Variants in KNL1 observed in about 807,000 individuals in gnomAD.
KNL1 encodes the protein kinetochore scaffold 1, also known as outer kinetochore KNL1 complex subunit KNL1.
A neutral mutation model predicts 201.3 loss-of-function variants in KNL1; 66 were observed. That is an observed-to-expected ratio of 0.33 (90% CI 0.27 to 0.40). KNL1 has a LOEUF of 0.40. KNL1 is among the 10% of genes least tolerant of loss of function. The pLI is 1.00. For missense variants in KNL1, 2,815 were observed against 2,690.5 expected (o/e 1.05, Z -1.02); for synonymous variants, 895 against 899.2 (o/e 1.00, Z 0.08).
At chr15:40,620,433 G>A (rs1030696836) in intron 9 of KNL1, among the ~76,000 whole-genome samples, 7 of 151,914 alleles carry the variant, frequency 4.6e-5, no homozygotes, top group Non-Finnish European at 2.9e-5. Context: ...GGATGGTCTC[G>A]ATCTCCTGCC....
In KNL1 at chr15:40,640,983, G is replaced by T; in HGVS notation, c.5754G>T (p.Gln1918His). ...LSQYVYRPKI[Q>H]IYREDCEARR... Reference sequence around the variant, plus strand: ...AATATGTTTACCGACCCAAGATACAGATTTATAGAGAAGATTGTGAGGCTC... The same window carrying T: ...AATATGTTTACCGACCCAAGATACATATTTATAGAGAAGATTGTGAGGCTC... The change falls in exon 14 of 26, where the codon CAG (glutamine) becomes CAT (histidine). Residue 1918 changes from glutamine to histidine, a missense_variant. Transcript: ENST00000399668. The T allele has an allele frequency of 6.2e-7, 1 of 1,613,210 alleles. No homozygotes were observed. Among genetic ancestry groups the T allele is most frequent in the South Asian group, 1.1e-5 (1 of 91,026 alleles).
Position 40,621,188 on chromosome 15 carries a change from T to C in KNL1, c.924T>C (p.Gly308=), listed in dbSNP as rs1461678507. 1.2e-6 allele frequency: 2 copies of C among 1,612,536 alleles called. No homozygotes were observed. The highest frequency in any genetic ancestry group is 2.2e-5 in the South Asian group (2 of 90,964). The change falls in exon 10 of 26, where the codon GGT becomes GGC. Residue 308 remains glycine (G), a synonymous_variant. Coordinates refer to ENST00000399668, the MANE Select transcript of KNL1 (RefSeq NM_144508.5). ...SSETNSRESK[G]NDITIYGNDF... ...AGACCAACTCACGGGAATCTAAAGG[T>C]AATGATATTACAATTTATGGCAATG...
intron 25 of KNL1, among the ~76,000 whole-genome samples, chr15:40,660,995 AATGTTTC>A (rs879528175): frequency 1.3e-5 from 2 of 152,134 alleles, no homozygotes; most frequent in Admixed American, 6.6e-5. Context: ...CAGCCCTAAA[AATGTTTC>A]ATTCCTCCTA....
intron 13 of KNL1, among the ~76,000 whole-genome samples, chr15:40,633,875 A>G (rs1892983455): frequency 6.6e-6 from 1 of 152,158 alleles, no homozygotes; most frequent in Admixed American, 6.5e-5. Context: ...ACTTATAAAT[A>G]AAACAAGTTA....
chr15:40,645,712 TAA>T lies in KNL1; in HGVS notation c.5948_5949del (p.Lys1983SerfsTer21). 6.2e-7 allele frequency: 1 copy of T among 1,611,052 alleles called. No homozygotes were observed. Among genetic ancestry groups the T allele is most frequent in the Non-Finnish European group, 8.5e-7 (1 of 1,179,208 alleles). ...KIKSCFTKMT[K>X]VFTHQGKVAL... Reference sequence around the variant, plus strand: ...TAAAGTCATGTTTTACCAAGATGACTAAAGTCTTCACTCACCAAGGAAAAGTG... The same window carrying T: ...TAAAGTCATGTTTTACCAAGATGACTAGTCTTCACTCACCAAGGAAAAGTG... On this transcript the variant is annotated frameshift_variant, in exon 16 of 26. Coordinates refer to ENST00000399668, the MANE Select transcript of KNL1 (RefSeq NM_144508.5). LOFTEE classifies it high-confidence loss of function.
intron 25 of KNL1, among the ~76,000 whole-genome samples, chr15:40,659,894 ATG>A (rs776409302): frequency 0.013 from 1,884 of 146,898 alleles, 42 homozygotes; most frequent in African/African-American, 0.044. Context: ...TGAAGAATTT[ATG>A]TGTGTGTGTG....
At chr15:40,628,243 A>G in intron 11 of KNL1, 35 bp downstream of exon 11, 1 of 1,550,054 alleles carries the variant, frequency 6.5e-7, no homozygotes, top group Non-Finnish European at 8.7e-7. Context: ...AATAGCAGCC[A>G]TCTGCTTACT....
chr15:40,610,351 T>A, intron 6 of KNL1, 54 bp downstream of exon 6: 1 of 885,176 alleles, frequency 1.1e-6, no homozygotes, highest in Non-Finnish European at 1.9e-6. Flanking sequence ...AATTTTACTG[T>A]AGCTATCTAA....
At chr15:40,659,713 CT>C (rs1254926902) in intron 25 of KNL1, among the ~76,000 whole-genome samples, 3 of 152,030 alleles carry the variant, frequency 2.0e-5, no homozygotes, top group Admixed American at 1.3e-4. Flanking sequence ...ATCTCCTGAC[CT>C]CGTGGTCCGC....
intron 1 of KNL1, among the ~76,000 whole-genome samples, chr15:40,597,050 A>G (rs916011856): frequency 5.3e-5 from 8 of 152,054 alleles, no homozygotes; most frequent in Non-Finnish European, 1.2e-4. Flanking sequence ...CAGCAACTGC[A>G]AACAGTTTAT....
chr15:40,623,613 A>G lies in KNL1; in HGVS notation c.3349A>G (p.Ile1117Val), dbSNP rs770710764. 7 of 1,613,572 alleles carry G rather than the reference A, an allele frequency of 4.3e-6. No homozygotes were observed. Among genetic ancestry groups the G allele is most frequent in the South Asian group, 1.1e-5 (1 of 91,072 alleles). The change falls in exon 10 of 26, where the codon ATT becomes GTT. Residue 1117 changes from isoleucine to valine, a missense_variant. Around this residue, in one of 3 missense-constraint regions of KNL1, gnomAD observed 2,464 missense variants for 2,291.7 expected, o/e 1.08. Transcript: ENST00000399668. ...CCATTTGGCAGGGGCTTCTAAAACT[A>G]TTTTGTATTCATGTGGGCAGGATGA... ...DFHLAGASKT[I>V]LYSCGQDDME...
At position 40,647,066 on chromosome 15, in the gene KNL1, T is replaced by A. The variant is rs1162899808; in HGVS notation, c.6086T>A (p.Met2029Lys). ...AAGATCGATAACTGCCTCACTGAGA[T>A]GGAAACAGGTAAAGTATTTTAAATA... The part of the protein sequence containing the change: ...LKKIDNCLTE[M>K]ETETKNLEDE... Residue 2029 changes from methionine (M) to lysine (K), a missense_variant, in exon 17 of 26, where the codon ATG (methionine) becomes AAG (lysine). Transcript: ENST00000399668. The A allele has an allele frequency of 1.4e-6, 2 of 1,458,612 alleles. No individual in the cohort carries two copies. Among genetic ancestry groups the A allele is most frequent in the Non-Finnish European group, 1.9e-6 (2 of 1,039,726 alleles). 90.4% of individuals were successfully genotyped at this position (1,458,612 alleles called of 1,614,324 possible). A position where few individuals can be genotyped will look rare whatever the true frequency, so the allele number is the denominator to read the frequency against.
chr15:40,599,565 G>A (rs936675171), intron 1 of KNL1, among the ~76,000 whole-genome samples: 4 of 151,256 alleles, frequency 2.6e-5, no homozygotes, highest in South Asian at 2.1e-4. Flanking sequence ...TGTATTTTTC[G>A]TAGAGGTGGG....
Position 40,657,167 on chromosome 15 carries a change from A to C in KNL1, c.6594+16A>C. On this transcript the variant is annotated intron_variant, in intron 23 of 25. Transcript: ENST00000399668. The stretch of plus-strand genomic sequence containing the variant: ...GTTACCCAAGGTAAAGCCCGATTGA[A>C]GTATTTAAAGGAAAATTTGTGATAT... The C allele has an allele frequency of 6.8e-7, 1 of 1,480,854 alleles. No individual in the cohort carries two copies. Among genetic ancestry groups the C allele is most frequent in the Non-Finnish European group, 9.3e-7 (1 of 1,075,496 alleles). 91.7% of individuals were successfully genotyped at this position (1,480,854 alleles called of 1,614,324 possible).
At chr15:40,640,252 A>G (rs1893187817) in intron 13 of KNL1, among the ~76,000 whole-genome samples, 1 of 151,668 alleles carries the variant, frequency 6.6e-6, no homozygotes, top group African/African-American at 2.4e-5. Flanking sequence ...GTGCGCCACC[A>G]TGCCCAGCTA....
At chr15:40,650,496 A>G in intron 18 of KNL1, 48 bp from the exon 19 acceptor site, 2 of 1,560,530 alleles carry the variant, frequency 1.3e-6, no homozygotes, top group Non-Finnish European at 1.7e-6. Context: ...TTTTGTGGCA[A>G]CATTCTAATA....
chr15:40,629,462 G>T, intron 13 of KNL1, 91 bp downstream of exon 13: 5 of 372,938 alleles, frequency 1.3e-5, no homozygotes, highest in East Asian at 1.2e-4. Flanking sequence ...TTTTCCTATA[G>T]AGAGTTTTCT....
intron 9 of KNL1, 108 bp downstream of exon 9, chr15:40,619,119 A>C: frequency 1.2e-6 from 1 of 808,744 alleles, no homozygotes; most frequent in African/African-American, 1.7e-5. Flanking sequence ...AAAAAAATGA[A>C]TCAGCATAAA....
chr15:40,607,771 A>G (rs1459994989), intron 4 of KNL1, among the ~76,000 whole-genome samples: 1 of 152,126 alleles, frequency 6.6e-6, no homozygotes, highest in Non-Finnish European at 1.5e-5. Flanking sequence ...CACACCCATT[A>G]GGATGGTTAA....
Sources: gnomAD v4.1 joint callset for allele counts (sites outside exome capture counted in the v4.1 genomes callset) on GRCh38, gnomAD v4.1.1 for gene constraint, gnomAD v4.1.1 regional missense constraint, MANE v1.5 for transcripts, NCBI Gene and HGNC (gene_info 2026-07-23, HGNC 2026-07-21) for gene names.